Variants in ITGA9 observed in about 807,000 individuals in gnomAD.
ITGA9 encodes integrin subunit alpha 9.
Under a neutral mutation model 127.8 loss-of-function variants are expected in ITGA9, and 56 were observed. The observed-to-expected ratio is 0.44, with a 90% CI of 0.35 to 0.55. ITGA9 has a LOEUF of 0.55. ITGA9 is among the 20% of genes least tolerant of loss of function. The pLI is 0.00. For synonymous variants in ITGA9, 508 were observed against 514.5 expected (o/e 0.99, Z 0.17); for missense variants, 1,196 against 1,347.1 (o/e 0.89, Z 1.76).
intron 14 of ITGA9, 43 bp from the exon 15 acceptor site, chr3:37,542,382 G>T (rs1321749044): frequency 6.2e-7 from 1 of 1,609,162 alleles, no homozygotes; most frequent in Admixed American, 1.7e-5. Context: ...TCATCACAGT[G>T]TGTCGGTCCT....
intron 15 of ITGA9, among the ~76,000 whole-genome samples, chr3:37,593,715 C>A (rs927213693): frequency 6.6e-6 from 1 of 152,238 alleles, no homozygotes; most frequent in Non-Finnish European, 1.5e-5. Context: ...ATTCAGTCCA[C>A]GGCATCCAGT....
At chr3:37,746,768 A>T (rs1045628389) in intron 22 of ITGA9, among the ~76,000 whole-genome samples, 1 of 152,104 alleles carries the variant, frequency 6.6e-6, no homozygotes. Flanking sequence ...TCTTTTTTGA[A>T]TCAGGAGTTG....
chr3:37,681,711 A>G (rs111448014), intron 17 of ITGA9, among the ~76,000 whole-genome samples: 28 of 152,282 alleles, frequency 1.8e-4, no homozygotes, highest in East Asian at 5.8e-4. Context: ...GTCGCATCAC[A>G]CAATAATCAT....
At chr3:37,794,259 G>A (rs1318248354) in intron 26 of ITGA9, among the ~76,000 whole-genome samples, 1 of 152,226 alleles carries the variant, frequency 6.6e-6, no homozygotes, top group East Asian at 1.9e-4. Context: ...CCGGTCAGTG[G>A]AAGAGGAATT....
rs1038408293 is a variant in ITGA9, at chr3:37,479,330, G to A, written c.421-2154G>A. Among the ~76,000 whole-genome samples, 20 of 152,330 alleles carry A rather than the reference G, an allele frequency of 1.3e-4. 1 individual carries two copies. The highest frequency in any genetic ancestry group is 4.6e-4 in the African/African-American group (19 of 41,574). ...TCAAGGAGAGGAGTGAATGTGGTTT[G>A]CAGCAGAAAAAATAACAATAGATTG... On this transcript the variant is annotated intron_variant, in intron 3 of 27. Transcript: ENST00000264741.
At chr3:37,556,282 T>C (rs1398172060) in intron 15 of ITGA9, among the ~76,000 whole-genome samples, 2 of 152,230 alleles carry the variant, frequency 1.3e-5, no homozygotes, top group African/African-American at 4.8e-5. Context: ...TGGTAAACAC[T>C]GGGCCCCTTT....
rs932935475 is a variant in ITGA9, at chr3:37,822,474, A to C, written c.*3485A>C. The C allele has an allele frequency of 1.3e-5, 2 of 150,726 alleles. No individual in the cohort carries two copies. Among genetic ancestry groups the C allele is most frequent in the Non-Finnish European group, 3.0e-5 (2 of 67,158 alleles). 9.3% of individuals were successfully genotyped at this position (150,726 alleles called of 1,614,324 possible). On this transcript the variant is annotated 3_prime_UTR_variant, in exon 28 of 28. Transcript: ENST00000264741. ...GGCAGGGTCCACTGGCTTAGTGGCA[A>C]CTGACAGGCATCCATTCCGAATAAC...
intron 22 of ITGA9, among the ~76,000 whole-genome samples, chr3:37,747,694 G>A (rs1018447168): frequency 6.6e-6 from 1 of 150,600 alleles, no homozygotes; most frequent in Non-Finnish European, 1.5e-5. Context: ...TCTATATCTG[G>A]CTTATTTCTT....
rs371781134 is a variant in ITGA9 at position 37,761,746 on chromosome 3, C to T, written c.2541+11177C>T. On this transcript the variant is annotated intron_variant, in intron 23 of 27. Coordinates refer to ENST00000264741, the MANE Select transcript of ITGA9 (RefSeq NM_002207.3). ...GTTCAGCAGGACTTGTTTCTCAAGA[C>T]GCAGGTCACAGAGACCCCGCTGATA... Among the ~76,000 whole-genome samples the T allele has an allele frequency of 1.4e-4, 21 of 152,242 alleles. No individual in the cohort carries two copies. In the South Asian group the frequency reaches 2.3e-3, roughly 17 times the overall value.
intron 15 of ITGA9, among the ~76,000 whole-genome samples, chr3:37,602,777 C>T (rs1376662216): frequency 6.6e-6 from 1 of 152,140 alleles, no homozygotes; most frequent in East Asian, 1.9e-4. Context: ...TCAAAACCAG[C>T]ACTCTATATC....
intron 26 of ITGA9, among the ~76,000 whole-genome samples, chr3:37,796,467 TTGGATGGA>T (rs201148519): frequency 1.1e-4 from 16 of 151,084 alleles, no homozygotes; most frequent in East Asian, 3.9e-4. Flanking sequence ...TGTTGGTTGG[TTGGATGGA>T]TGGATGGATG....
Position 37,494,495 on chromosome 3 carries a change from C to T in ITGA9, c.545-6C>T. On this transcript the variant is annotated splice_polypyrimidine_tract_variant and splice_region_variant and intron_variant, in intron 4 of 27. Coordinates refer to ENST00000264741, the MANE Select transcript of ITGA9 (RefSeq NM_002207.3). ...GGTTTGCTTCTCTCTCCTTCCTTCC[C>T]CCTAGAGTATAAGAAGAAGTACGGA... The T allele has an allele frequency of 1.9e-6, 3 of 1,606,974 alleles. No individual in the cohort carries two copies. Among genetic ancestry groups the T allele is most frequent in the South Asian group, 1.1e-5 (1 of 90,818 alleles).
At chr3:37,620,522 C>G (rs1478506150) in intron 15 of ITGA9, among the ~76,000 whole-genome samples, 1 of 152,164 alleles carries the variant, frequency 6.6e-6, no homozygotes, top group African/African-American at 2.4e-5. Context: ...AAGGTTGATT[C>G]TGTCATCCCA....
chr3:37,802,037 G>C (rs1697241186), intron 26 of ITGA9, among the ~76,000 whole-genome samples: 1 of 152,188 alleles, frequency 6.6e-6, no homozygotes, highest in African/African-American at 2.4e-5. Context: ...ACCAGGCACT[G>C]CAGTGTGGTG....
At chr3:37,627,393 C>T (rs896874184) in intron 15 of ITGA9, among the ~76,000 whole-genome samples, 2 of 152,034 alleles carry the variant, frequency 1.3e-5, no homozygotes, top group Admixed American at 6.6e-5. Flanking sequence ...GGGGCTGCTG[C>T]GGGAGATTTC....
At chr3:37,487,681 A>G (rs552526063) in intron 4 of ITGA9, among the ~76,000 whole-genome samples, 4 of 152,288 alleles carry the variant, frequency 2.6e-5, no homozygotes, top group East Asian at 3.9e-4. Flanking sequence ...ACTGAGGCCC[A>G]GGGAGCTTGA....
intron 18 of ITGA9, among the ~76,000 whole-genome samples, chr3:37,728,775 A>G (rs899151252): frequency 6.6e-6 from 1 of 151,780 alleles, no homozygotes; most frequent in African/African-American, 2.4e-5. Flanking sequence ...TCATAAGGGA[A>G]GAGTATTATC....
intron 7 of ITGA9, 54 bp downstream of exon 7, chr3:37,506,139 C>A: frequency 7.6e-7 from 1 of 1,307,650 alleles, no homozygotes; most frequent in Non-Finnish European, 1.1e-6. Flanking sequence ...GGGGAGCATG[C>A]TGTCCCTGGT....
intron 18 of ITGA9, among the ~76,000 whole-genome samples, chr3:37,718,770 G>T (rs746553090): frequency 6.6e-6 from 1 of 152,142 alleles, no homozygotes; most frequent in Non-Finnish European, 1.5e-5. Flanking sequence ...AATGCATGCC[G>T]ACGCCACATG....
Sources: allele counts gnomAD v4.1 joint callset (sites outside exome capture counted in the v4.1 genomes callset), GRCh38; gene constraint gnomAD v4.1.1; transcripts MANE v1.5; gene names NCBI Gene and HGNC (gene_info 2026-07-23, HGNC 2026-07-21).